ESYT2: variants seen among roughly 807,000 people sequenced by gnomAD.
ESYT2 encodes the protein extended synaptotagmin-2.
A neutral mutation model predicts 107.2 loss-of-function variants in ESYT2; 54 were observed. That is an observed-to-expected ratio of 0.50 (90% CI 0.40 to 0.63). The LOEUF is 0.63. Ranked by LOEUF, ESYT2 falls within the 30% of genes least tolerant of loss-of-function variation. The pLI is 0.00. For synonymous variants in ESYT2, 491 were observed against 434.1 expected, an observed-to-expected ratio of 1.13 and a Z score of -1.63; for missense variants, 1,020 against 1,094.5, an observed-to-expected ratio of 0.93 and a Z score of 0.96.
At position 158,764,762 on chromosome 7, in the gene ESYT2, T is replaced by A. The variant is rs144199540; in HGVS notation, c.1016A>T (p.Tyr339Phe). 1.2e-4 allele frequency: 195 copies of A among 1,614,098 alleles called. No homozygotes were observed. Among genetic ancestry groups the A allele is most frequent in the Non-Finnish European group, 1.6e-4 (190 of 1,180,040 alleles). ...KGLVKGKSDP[Y>F]GIIRVGNQIF... ...TTGGTTGCCAACTCTAATGATTCCA[T>A]AGGGGTCTGACTTTCCCTTGACAAG... The change falls in exon 9 of 23, where the codon TAT (tyrosine) becomes TTT (phenylalanine). Residue 339 changes from tyrosine (Y) to phenylalanine (F), a missense_variant. Coordinates refer to ENST00000275418, the MANE Select transcript of ESYT2 (RefSeq NM_001367773.1).
chr7:158,769,668 G>A (rs1838286766), intron 7 of ESYT2, among the ~76,000 whole-genome samples: 1 of 152,076 alleles, frequency 6.6e-6, no homozygotes, highest in South Asian at 2.1e-4. Context: ...AAACATAACG[G>A]ATATTTAATC....
chr7:158,809,347 G>A (rs542042352), intron 1 of ESYT2, among the ~76,000 whole-genome samples: 176 of 151,936 alleles, frequency 1.2e-3, no homozygotes, highest in Middle Eastern at 6.8e-3. Flanking sequence ...GTGGTGGCGT[G>A]CATCTGTAGT....
intron 6 of ESYT2, among the ~76,000 whole-genome samples, chr7:158,784,486 G>T (rs998676762): frequency 3.3e-5 from 5 of 152,214 alleles, no homozygotes; most frequent in Non-Finnish European, 7.3e-5. Context: ...AAGACGCAAG[G>T]CTTTCTCTGA....
intron 20 of ESYT2, among the ~76,000 whole-genome samples, chr7:158,735,872 G>A (rs1587362790): frequency 1.3e-5 from 2 of 152,124 alleles, no homozygotes; most frequent in Admixed American, 6.6e-5. Flanking sequence ...TCACGGGTGG[G>A]TGAGGAGCGT....
chr7:158,765,310 G>A (rs1838119072), intron 8 of ESYT2, among the ~76,000 whole-genome samples: 1 of 152,212 alleles, frequency 6.6e-6, no homozygotes, highest in African/African-American at 2.4e-5. Flanking sequence ...TATCAGACCT[G>A]TCACGAAGCA....
chr7:158,793,705 T>C lies in ESYT2; in HGVS notation c.529A>G (p.Lys177Glu). The C allele has an allele frequency of 6.2e-7, 1 of 1,613,468 alleles. No homozygotes were observed. Among genetic ancestry groups the C allele is most frequent in the African/African-American group, 1.3e-5 (1 of 75,046 alleles). Residue 177 changes from lysine to glutamate, a missense_variant, in exon 4 of 23, where the codon AAG (lysine) becomes GAG (glutamate). Lys to Glu is a moderately conservative substitution (Grantham distance 56). Coordinates refer to ENST00000275418, the MANE Select transcript of ESYT2 (RefSeq NM_001367773.1). The stretch of plus-strand genomic sequence containing the variant: ...TTGTCTACATTTTCAGTGTATACCT[T>C]AACACCATTGATCCTGAGGGGCTGA... ...GQQPLRINGV[K>E]VYTENVDKRQ... is the part of the protein sequence containing the mutation.
At chr7:158,780,603 G>A (rs1055223821) in intron 6 of ESYT2, among the ~76,000 whole-genome samples, 1 of 152,212 alleles carries the variant, frequency 6.6e-6, no homozygotes, top group Non-Finnish European at 1.5e-5. Context: ...ACAAAACAAG[G>A]AAGTTTTAGT....
intron 14 of ESYT2, among the ~76,000 whole-genome samples, chr7:158,751,925 T>TA (rs1454313993): frequency 6.6e-6 from 1 of 152,086 alleles, no homozygotes; most frequent in Non-Finnish European, 1.5e-5. Flanking sequence ...TCCACAGGAG[T>TA]AACCCCTAGT....
rs796376998 is a variant in ESYT2 at position 158,804,474 on chromosome 7, C to T, written c.331-5402G>A. ...TGAGGTGTGTGACAAACCCAAACTG[C>T]CGAGAAGGGTGAGGCGCGTGACAAA... On this transcript the variant is annotated intron_variant, in intron 1 of 22. Coordinates refer to ENST00000275418, the MANE Select transcript of ESYT2 (RefSeq NM_001367773.1). Among the ~76,000 whole-genome samples the T allele has an allele frequency of 5.8e-4, 78 of 133,858 alleles. No individual in the cohort carries two copies. The East Asian group carries it at 0.014, about 24-fold the overall frequency. The allele number at this position is 133,858 out of a possible 152,430, so 87.8% of individuals were successfully genotyped here.
At chr7:158,782,465 C>T (rs955243256) in intron 6 of ESYT2, among the ~76,000 whole-genome samples, 1 of 150,348 alleles carries the variant, frequency 6.7e-6, no homozygotes, top group African/African-American at 2.4e-5. Context: ...AGTGAGTGAA[C>T]GAGTGTGAGA....
intron 1 of ESYT2, among the ~76,000 whole-genome samples, chr7:158,828,771 T>G: frequency 6.6e-6 from 1 of 150,786 alleles, no homozygotes; most frequent in Non-Finnish European, 1.5e-5. Context: ...GGGGCTGGGG[T>G]CTGCACTCGC....
chr7:158,781,600 CG>C (rs1838817261), intron 6 of ESYT2, among the ~76,000 whole-genome samples: 1 of 141,970 alleles, frequency 7.0e-6, no homozygotes, highest in African/African-American at 2.6e-5. Flanking sequence ...AGTATAAGAC[CG>C]AGAACAAGTG....
At chr7:158,739,880 G>A (rs564180364) in intron 18 of ESYT2, among the ~76,000 whole-genome samples, 81 of 152,166 alleles carry the variant, frequency 5.3e-4, no homozygotes, top group Middle Eastern at 3.4e-3. Flanking sequence ...GATTCCTTGC[G>A]GCAGTAAGAT....
At chr7:158,807,331 C>T (rs546486976) in intron 1 of ESYT2, among the ~76,000 whole-genome samples, 2 of 150,314 alleles carry the variant, frequency 1.3e-5, no homozygotes, top group African/African-American at 4.9e-5. Context: ...GAATTAACAT[C>T]GGACTTAAAA....
chr7:158,795,879 A>G (rs4299952), intron 3 of ESYT2, among the ~76,000 whole-genome samples: 19,644 of 148,174 alleles, frequency 0.13, 1,914 homozygotes, highest in East Asian at 0.44. Flanking sequence ...TCACAGGAAA[A>G]GCAGCAGCAC....
chr7:158,763,935 G>T (rs1229575938), intron 9 of ESYT2, among the ~76,000 whole-genome samples: 2 of 152,168 alleles, frequency 1.3e-5, no homozygotes, highest in East Asian at 1.9e-4. Flanking sequence ...ACAAAGGAGT[G>T]GGGGAGAGGA....
rs534142159 is a variant in ESYT2, at chr7:158,803,413, AAATCGGAAACTCTGG to A, written c.331-4356_331-4342del. On this transcript the variant is annotated intron_variant, in intron 1 of 22. Coordinates refer to ENST00000275418, the MANE Select transcript of ESYT2 (RefSeq NM_001367773.1). ...TTCTTTATCAGTTACATCACAATAG[AAATCGGAAACTCTGG>A]TTTCTAGAAGCCTTTAGGCAAGCAA... Among the ~76,000 whole-genome samples the A allele has an allele frequency of 1.1e-3, 172 of 152,304 alleles. 1 individual carries two copies. In the South Asian group the frequency reaches 0.013, roughly 12 times the overall value.
chr7:158,789,113 C>T (rs1839199026), intron 4 of ESYT2, among the ~76,000 whole-genome samples: 1 of 152,146 alleles, frequency 6.6e-6, no homozygotes, highest in African/African-American at 2.4e-5. Context: ...ACACTCCTAC[C>T]TGACAATGTT....
intron 7 of ESYT2, among the ~76,000 whole-genome samples, chr7:158,771,852 C>T (rs842445): frequency 0.66 from 100,671 of 152,066 alleles, 35,353 homozygotes; most frequent in Non-Finnish European, 0.78. Flanking sequence ...GGTGCGGTGT[C>T]TCATGCCTGT....
Sources: allele counts gnomAD v4.1 joint callset (sites outside exome capture counted in the v4.1 genomes callset), GRCh38; gene constraint gnomAD v4.1.1; transcripts MANE v1.5; gene names NCBI Gene and HGNC (gene_info 2026-07-23, HGNC 2026-07-21).